Variants in FRMD8 observed in about 807,000 individuals in gnomAD.
FRMD8 encodes the protein FERM domain-containing protein 8.
Under a neutral mutation model 54.2 loss-of-function variants are expected in FRMD8, and 37 were observed. The observed-to-expected ratio is 0.68, with a 90% CI of 0.53 to 0.90. The LOEUF is 0.90. Among genes scored for constraint, FRMD8 ranks in the 40% least tolerant of loss-of-function variants. The probability of loss-of-function intolerance (pLI) is 0.00; values close to 1 mark genes in which losing one functional copy is unlikely to be tolerated. For missense variants in FRMD8, 585 were observed against 653.7 expected, an observed-to-expected ratio of 0.89 and a Z score of 1.15; for synonymous variants, 246 against 286.9, an observed-to-expected ratio of 0.86 and a Z score of 1.44.
chr11:65,378,271 C>T, the FRMD8 span: 1 of 152,216 alleles, frequency 6.6e-6, no homozygotes, highest in African/African-American at 2.4e-5. Flanking sequence ...ACCAGGGCAA[C>T]GTCTGTGCCC....
At chr11:65,393,944 G>T in intron 4 of FRMD8, 97 bp from the exon 5 acceptor site, 3 of 1,314,940 alleles carry the variant, frequency 2.3e-6, no homozygotes, top group Non-Finnish European at 3.3e-6. Flanking sequence ...TCTCAGCCCT[G>T]GTGGGTGAGG....
chr11:65,385,672 C>G (rs1855717791), upstream of FRMD8, among the ~76,000 whole-genome samples: 1 of 152,150 alleles, frequency 6.6e-6, no homozygotes, highest in Admixed American at 6.5e-5. Context: ...GGCCCCAAGT[C>G]TCCTCCCAGC....
chr11:65,399,350 C>T (rs1028894067), intron 7 of FRMD8, among the ~76,000 whole-genome samples: 3 of 152,118 alleles, frequency 2.0e-5, no homozygotes, highest in Admixed American at 1.3e-4. Flanking sequence ...TCGTGCTTCC[C>T]AGCAGGTCCC....
upstream of FRMD8, chr11:65,382,307 C>CCCTG (rs1855614742): frequency 3.1e-6 from 1 of 324,910 alleles, no homozygotes; most frequent in Non-Finnish European, 6.0e-6. The surrounding 1 kb of genome is among the most constrained non-coding windows in gnomAD (Gnocchi z 4.4). Flanking sequence ...AGAGGCAAGC[C>CCCTG]CCTGCCTGCC....
the FRMD8 span, among the ~76,000 whole-genome samples, chr11:65,373,794 C>T: frequency 8.9e-4 from 135 of 152,218 alleles, 2 homozygotes; most frequent in South Asian, 0.026. Flanking sequence ...CACTATGTTG[C>T]CCAGGCTGGT....
Position 65,411,389 on chromosome 11 carries a change from A to T in FRMD8, c.*29A>T. ...CGCTGCACCCGGCAGGAGGAGGGCG[A>T]CTGGGGGCCCTGGCCCGGCACTGTC... On this transcript the variant is annotated 3_prime_UTR_variant, in exon 11 of 11. Transcript: ENST00000317568. 6.8e-7 allele frequency: 1 copy of T among 1,463,952 alleles called. No homozygotes were observed. The highest frequency in any genetic ancestry group is 9.3e-7 in the Non-Finnish European group (1 of 1,075,440). 90.7% of individuals were successfully genotyped at this position (1,463,952 alleles called of 1,614,324 possible). A position where few individuals can be genotyped will look rare whatever the true frequency, so the allele number is the denominator to read the frequency against.
upstream of FRMD8, among the ~76,000 whole-genome samples, chr11:65,385,574 C>A (rs1855715926): frequency 6.6e-6 from 1 of 152,146 alleles, no homozygotes; most frequent in Admixed American, 6.5e-5. Flanking sequence ...TCCCTGAGTT[C>A]CACATCTCAG....
At chr11:65,402,124 G>A (rs900410196) in intron 9 of FRMD8, among the ~76,000 whole-genome samples, 6 of 151,910 alleles carry the variant, frequency 3.9e-5, no homozygotes, top group Non-Finnish European at 7.4e-5. Flanking sequence ...CAAGGTGGGC[G>A]GATCTCTTTA....
chr11:65,389,759 A>G lies in FRMD8; in HGVS notation c.253+231A>G, dbSNP rs1855806905. Reference sequence around the variant, plus strand: ...CTTTCTGCTGGTGGTGGAGGAGTGGACACGCCTGCCCCCCAGGTCGTGCTG... The same window carrying G: ...CTTTCTGCTGGTGGTGGAGGAGTGGGCACGCCTGCCCCCCAGGTCGTGCTG... On this transcript the variant is annotated intron_variant, in intron 3 of 10. Transcript: ENST00000317568. 1.3e-5 allele frequency among the ~76,000 whole-genome samples: 2 copies of G among 152,104 alleles called. 1 individual carries two copies. Among genetic ancestry groups the G allele is most frequent in the South Asian group, 4.1e-4 (2 of 4,822 alleles).
the FRMD8 span, among the ~76,000 whole-genome samples, chr11:65,370,840 G>A: frequency 6.6e-6 from 1 of 152,122 alleles, no homozygotes; most frequent in Non-Finnish European, 1.5e-5. Context: ...TGAGACAGGA[G>A]GATCACTTGA....
At chr11:65,374,714 C>A in the FRMD8 span, among the ~76,000 whole-genome samples, 2 of 152,132 alleles carry the variant, frequency 1.3e-5, no homozygotes, top group Admixed American at 6.5e-5. Flanking sequence ...ACACCTGTAA[C>A]TCCAGCTCTT....
At chr11:65,407,928 C>T (rs1038980894) in intron 10 of FRMD8, among the ~76,000 whole-genome samples, 1 of 150,794 alleles carries the variant, frequency 6.6e-6, no homozygotes, top group African/African-American at 2.4e-5. Context: ...AGCATGTGTG[C>T]AGCCATGCGC....
intron 3 of FRMD8, among the ~76,000 whole-genome samples, chr11:65,391,604 G>C (rs916448854): frequency 4.6e-5 from 7 of 152,024 alleles, no homozygotes; most frequent in Non-Finnish European, 8.8e-5. Context: ...TCCGCCTCCT[G>C]GGTTCAAGCG....
chr11:65,410,005 T>C (rs965410114), intron 10 of FRMD8, among the ~76,000 whole-genome samples: 7 of 151,218 alleles, frequency 4.6e-5, no homozygotes, highest in African/African-American at 1.5e-4. Context: ...GCTTAGGAGG[T>C]AAGGCTGCAG....
chr11:65,400,843 G>C lies in FRMD8; in HGVS notation c.1047G>C (p.Lys349Asn). 1.2e-6 allele frequency: 2 copies of C among 1,611,878 alleles called. No homozygotes were observed. Among genetic ancestry groups the C allele is most frequent in the Non-Finnish European group, 1.7e-6 (2 of 1,179,080 alleles). The change falls in exon 9 of 11, where the codon AAG (lysine) becomes AAC (asparagine). Residue 349 changes from lysine to asparagine, a missense_variant. By Grantham distance (94) the Lys-to-Asn change is moderately conservative (BLOSUM62 0). Transcript: ENST00000317568. The surrounding 1 kb of genome is among the most constrained non-coding windows in gnomAD (Gnocchi z 4.3). ...ACAGCGAGGGCACACCTGTCAACAA[G>C]CTCCTCAAGATCTACTCCAAGCAGG... ...DGDSEGTPVN[K>N]LLKIYSKQAE...
chr11:65,376,768 G>A, the FRMD8 span: 14 of 1,614,066 alleles, frequency 8.7e-6, no homozygotes, highest in Non-Finnish European at 1.2e-5. Context: ...GCTGGACCCT[G>A]CCTGCTACCC....
rs780885426 is a variant in FRMD8, at chr11:65,412,381, T to G, written c.*1021T>G. On this transcript the variant is annotated 3_prime_UTR_variant, in exon 11 of 11. Transcript: ENST00000317568. ...GCTCCTTCCCAGGTGGCGCCATGGA[T>G]TCCTCTGGGGGCTGGCGCATGCCCA... The G allele has an allele frequency of 1.3e-5, 2 of 152,340 alleles. No homozygotes were observed. The highest frequency in any genetic ancestry group is 6.5e-5 in the Admixed American group (1 of 15,290). 9.4% of individuals were successfully genotyped at this position (152,340 alleles called of 1,614,324 possible).
intron 7 of FRMD8, among the ~76,000 whole-genome samples, chr11:65,397,762 A>G (rs1855987235): frequency 6.6e-6 from 1 of 151,864 alleles, no homozygotes; most frequent in African/African-American, 2.4e-5. Flanking sequence ...CTCAGGCTGG[A>G]GTGCAGTGGC....
chr11:65,409,403 G>A (rs778724947), intron 10 of FRMD8, among the ~76,000 whole-genome samples: 8 of 152,106 alleles, frequency 5.3e-5, no homozygotes, highest in Non-Finnish European at 8.8e-5. Context: ...AAATTTTTAC[G>A]TGCTTGATCA....
Sources: gnomAD v4.1 joint callset for allele counts (sites outside exome capture counted in the v4.1 genomes callset) on GRCh38, gnomAD v4.1.1 for gene constraint, Gnocchi (gnomAD v3.1) non-coding constraint, MANE v1.5 for transcripts, NCBI Gene and HGNC (gene_info 2026-07-23, HGNC 2026-07-21) for gene names.